CPSF1: variants seen among roughly 807,000 people sequenced by gnomAD.
CPSF1 encodes cleavage and polyadenylation specific factor 1.
A neutral mutation model predicts 175.8 loss-of-function variants in CPSF1; 106 were observed. The ratio of observed to expected loss-of-function variants is 0.60; its 90% confidence interval spans 0.52 to 0.71. The LOEUF (loss-of-function observed/expected upper bound fraction) is 0.71, where lower values mean the gene tolerates loss of function less well. Ranked by LOEUF, CPSF1 falls within the 30% of genes least tolerant of loss-of-function variation. The pLI is 0.00. For missense variants in CPSF1, 1,734 were observed against 2,022.9 expected, an observed-to-expected ratio of 0.86 and a Z score of 2.74; for synonymous variants, 1,024 against 858.3, an observed-to-expected ratio of 1.19 and a Z score of -3.37.
rs1268317298 is a variant in CPSF1, at chr8:144,393,337, C to T, written c.4313G>A (p.Arg1438His). The change falls in exon 38 of 38, where the codon CGC becomes CAC. Residue 1438 changes from arginine to histidine, a missense_variant. This residue lies in a region of CPSF1 where 323 missense variants were observed against 338.5 expected (regional missense o/e 0.95). Transcript: ENST00000616140. Reference sequence around the variant, plus strand: ...ACGGGGCTAGAAGTGGGCGGTGACGCGGTCCGTCTCCAGCAAGTCGTCCAG... The same window carrying T: ...ACGGGGCTAGAAGTGGGCGGTGACGTGGTCCGTCTCCAGCAAGTCGTCCAG... ...IILDDLLETDRVTAHF is the reference protein window; with the variant it reads ...IILDDLLETDHVTAHF The T allele has an allele frequency of 3.3e-6, 5 of 1,492,660 alleles. No homozygotes were observed. In the East Asian group the frequency reaches 1.0e-4, roughly 30 times the overall value. The allele number at this position is 1,492,660 out of a possible 1,614,324, so 92.5% of individuals were successfully genotyped here.
In CPSF1 at chr8:144,396,374, G is replaced by A. The variant is rs374513752; in HGVS notation, c.2953C>T (p.Arg985Cys). Residue 985 changes from arginine to cysteine, a missense_variant, in exon 26 of 38, where the codon CGC becomes TGC. By Grantham distance (180) the Arg-to-Cys change is radical. Coordinates refer to ENST00000616140, the MANE Select transcript of CPSF1 (RefSeq NM_013291.3). The part of the protein sequence containing the change: ...FAPFHNVNCP[R>C]GFLYFNRQGE... ...TGTCTGTTGAAGTACAGGAAGCCGC[G>A]GGGACAGTTGACATTGTGGAATGGA... 9.5e-5 allele frequency: 151 copies of A among 1,587,996 alleles called. No homozygotes were observed. The highest frequency in any genetic ancestry group is 3.0e-4 in the Admixed American group (16 of 54,184).
intron 2 of CPSF1, among the ~76,000 whole-genome samples, chr8:144,404,379 T>C (rs1821380402): frequency 1.3e-5 from 2 of 152,036 alleles, no homozygotes; most frequent in Non-Finnish European, 2.9e-5. Context: ...AATTTTTTTT[T>C]TTTTTGAGAC....
intron 26 of CPSF1, chr8:144,396,030 C>A: frequency 2.3e-6 from 1 of 439,568 alleles, no homozygotes; most frequent in Non-Finnish European, 4.1e-6. Flanking sequence ...CACAGAGCAG[C>A]CAAGGGGCAG....
intron 2 of CPSF1, among the ~76,000 whole-genome samples, chr8:144,402,234 T>C (rs1261061390): frequency 6.6e-6 from 1 of 152,248 alleles, no homozygotes; most frequent in Non-Finnish European, 1.5e-5. Context: ...GGTAGCTAGT[T>C]TAACTAGCTA....
In CPSF1 at chr8:144,400,730, C is replaced by T. The variant is rs2116877691; in HGVS notation, c.627G>A (p.Leu209=). The change falls in exon 7 of 38, where the codon CTG becomes CTA. Residue 209 remains leucine, a synonymous_variant. Transcript: ENST00000616140. ...GGAGGGTAGGCTCGTAGTAGCCATG[C>T]AGGAACTGCAGGTCGATGATGTTGA... ...KLLNIIDLQF[L]HGYYEPTLLI... 10 of 1,613,312 alleles carry T rather than the reference C, an allele frequency of 6.2e-6. No individual in the cohort carries two copies. The Admixed American group carries it at 8.4e-5, about 13-fold the overall frequency.
Position 144,399,140 on chromosome 8 carries a change from G to A in CPSF1, c.1455C>T (p.Phe485=), listed in dbSNP as rs2116859344. ...CAACCCTGGGCACCTCTTCAGAGAG[G>A]AAGGCAGGCTCGCCCACGGCGGCAT... ...CANAAVGEPA[F]LSEEFQNSPE... Residue 485 remains phenylalanine (F), a synonymous_variant, in exon 15 of 38, where the codon TTC becomes TTT. Coordinates refer to ENST00000616140, the MANE Select transcript of CPSF1 (RefSeq NM_013291.3). This position sits in a 1 kb window ranked among gnomAD's most constrained non-coding sequence, Gnocchi z 6.4. 1.5e-4 allele frequency: 234 copies of A among 1,582,942 alleles called. No individual in the cohort carries two copies. In the African/African-American group the frequency reaches 2.6e-3, roughly 17 times the overall value.
chr8:144,409,147 C>G lies in CPSF1; in HGVS notation c.12G>C (p.Val4=). 6.2e-7 allele frequency: 1 copy of G among 1,611,224 alleles called. No homozygotes were observed. Among genetic ancestry groups the G allele is most frequent in the Non-Finnish European group, 8.5e-7 (1 of 1,179,004 alleles). Residue 4 remains valine, a synonymous_variant, in exon 2 of 38, where the codon GTG becomes GTC. Coordinates refer to ENST00000616140, the MANE Select transcript of CPSF1 (RefSeq NM_013291.3). The stretch of plus-strand genomic sequence containing the variant: ...CGGTGGGCGGATGCGCCTGTTTGTA[C>G]ACGGCGTACATGGCGCCAACCCGGG... MYA[V]YKQAHPPTGL...
In CPSF1 at chr8:144,398,444, C is replaced by T; in HGVS notation, c.1753-1G>A. 5 of 1,613,788 alleles carry T rather than the reference C, an allele frequency of 3.1e-6. No homozygotes were observed. The highest frequency in any genetic ancestry group is 4.2e-6 in the Non-Finnish European group (5 of 1,179,974). ...TGATCTCCTGCCCCGTCTGCAGGAT[C>T]TGCGGGCGACAGCTGTGAGGGAGGC... On this transcript the variant is annotated splice_acceptor_variant, in intron 18 of 37. Transcript: ENST00000616140. LOFTEE classifies it high-confidence loss of function.
In CPSF1 at chr8:144,400,134, G is replaced by GCCCCCCCCCCCCCCC. The variant is rs782373475; in HGVS notation, c.937+31_937+32insGGGGGGGGGGGGGGG. On this transcript the variant is annotated intron_variant, in intron 9 of 37. Transcript: ENST00000616140. ...ACTAGGCAGGCCCAAGCCGTCCCCG[G>GCCCCCCCCCCCCCCC]GCCCCCCCCGCCCCAGCCACCCCAC... The GCCCCCCCCCCCCCCC allele has an allele frequency of 7.4e-5, 72 of 966,528 alleles. 1 individual carries two copies. Among genetic ancestry groups the GCCCCCCCCCCCCCCC allele is most frequent in the Middle Eastern group, 3.5e-4 (1 of 2,870 alleles). The allele number at this position is 966,528 out of a possible 1,614,324, so 59.9% of individuals were successfully genotyped here. A position where few individuals can be genotyped will look rare whatever the true frequency, so the allele number is the denominator to read the frequency against.
At chr8:144,407,087 G>C (rs1554869300) in intron 2 of CPSF1, among the ~76,000 whole-genome samples, 1 of 152,018 alleles carries the variant, frequency 6.6e-6, no homozygotes, top group African/African-American at 2.4e-5. Flanking sequence ...GCTAATTTTT[G>C]TATTTTTAGT....
chr8:144,404,559 G>A (rs1464165491), intron 2 of CPSF1, among the ~76,000 whole-genome samples: 3 of 150,050 alleles, frequency 2.0e-5, no homozygotes, highest in Non-Finnish European at 4.4e-5. Flanking sequence ...TAGTAGACTC[G>A]GGGTTTCACC....
rs201669773 is a variant in CPSF1 at position 144,399,515 on chromosome 8, G to C, written c.1243-12C>G. ...GAGGGAGGCTCTTCCTGTGAGGCAG[G>C]AGGGGCACTGAGTGGCATGCCACAG... On this transcript the variant is annotated splice_polypyrimidine_tract_variant and intron_variant, in intron 12 of 37. Coordinates refer to ENST00000616140, the MANE Select transcript of CPSF1 (RefSeq NM_013291.3). This position sits in a 1 kb window ranked among gnomAD's most constrained non-coding sequence, Gnocchi z 6.4. 6.2e-7 allele frequency: 1 copy of C among 1,612,504 alleles called. No homozygotes were observed. The highest frequency in any genetic ancestry group is 1.3e-5 in the African/African-American group (1 of 75,038).
In CPSF1 at chr8:144,396,647, C is replaced by A; in HGVS notation, c.2777G>T (p.Gly926Val). ...GAAGTAGCGGAAACGCGCCACGCGG[C>A]CCCGGGCCCCAGCCCCCTCCTCTGC... ...GGAEEGAGAR[G>V]RVARFRYFED... is the part of the protein sequence containing the mutation. The change falls in exon 25 of 38, where the codon GGC (glycine) becomes GTC (valine). Residue 926 changes from glycine (G) to valine (V), a missense_variant. Physicochemically the swap from Gly to Val is moderately radical, Grantham distance 109. This residue lies in a region of CPSF1 where 585 missense variants were observed against 584.7 expected (regional missense o/e 1.00). Coordinates refer to ENST00000616140, the MANE Select transcript of CPSF1 (RefSeq NM_013291.3). 6.2e-7 allele frequency: 1 copy of A among 1,613,756 alleles called. No individual in the cohort carries two copies. Among genetic ancestry groups the A allele is most frequent in the Non-Finnish European group, 8.5e-7 (1 of 1,180,008 alleles).
rs1820518833 is a variant in CPSF1, at chr8:144,393,894, A to G, written c.4004T>C (p.Ile1335Thr). 3 of 1,611,314 alleles carry G rather than the reference A, an allele frequency of 1.9e-6. No individual in the cohort carries two copies. Among genetic ancestry groups the G allele is most frequent in the East Asian group, 2.2e-5 (1 of 44,794 alleles). Residue 1335 changes from isoleucine to threonine, a missense_variant, in exon 35 of 38, where the codon ATC becomes ACC. Ile to Thr is a moderately conservative substitution (Grantham distance 89, BLOSUM62 -1). Around this residue, in one of 10 missense-constraint regions of CPSF1, gnomAD observed 323 missense variants for 338.5 expected, o/e 0.95. Coordinates refer to ENST00000616140, the MANE Select transcript of CPSF1 (RefSeq NM_013291.3). Reference protein sequence around the residue: ...KKSVVWENKHITWFATLDGGI... With the variant: ...KKSVVWENKHTTWFATLDGGI... ...TCCCCCACACTCACCAAACCACGTG[A>G]TGTGCTTATTCTCCCACACGACCGA...
At chr8:144,397,149 G>T in intron 23 of CPSF1, 58 bp downstream of exon 23, 4 of 1,468,676 alleles carry the variant, frequency 2.7e-6, no homozygotes, top group Non-Finnish European at 2.7e-6. Flanking sequence ...GGGGCTGTGG[G>T]GGAACGGGCA....
chr8:144,403,740 G>C (rs536005106), intron 2 of CPSF1, among the ~76,000 whole-genome samples: 1 of 138,738 alleles, frequency 7.2e-6, no homozygotes, highest in Non-Finnish European at 1.6e-5. Context: ...TTAATAGATA[G>C]GGTTTTGCCA....
rs2116874874 is a variant in CPSF1 at position 144,400,394 on chromosome 8, G to C, written c.786C>G (p.Pro262=). The change falls in exon 8 of 38, where the codon CCC becomes CCG. Residue 262 remains proline, a synonymous_variant. Coordinates refer to ENST00000616140, the MANE Select transcript of CPSF1 (RefSeq NM_013291.3). Reference sequence around the variant, plus strand: ...CAGCCAGAGCCTGGGTGCAGTCAAAGGGCAGGCTGGTGAGGGACCAGATGA... The same window carrying C: ...CAGCCAGAGCCTGGGTGCAGTCAAACGGCAGGCTGGTGAGGGACCAGATGA... The part of the protein sequence containing the change: ...HPVIWSLTSL[P]FDCTQALAVP... 2.5e-6 allele frequency: 4 copies of C among 1,613,760 alleles called. No individual in the cohort carries two copies. In the African/African-American group the frequency reaches 5.3e-5, roughly 22 times the overall value.
rs552880585 is a variant in CPSF1, at chr8:144,396,645, G to A, written c.2779C>T (p.Arg927Cys). The A allele has an allele frequency of 5.2e-5, 84 of 1,613,700 alleles. No homozygotes were observed. The highest frequency in any genetic ancestry group is 4.9e-4 in the Middle Eastern group (3 of 6,062). The change falls in exon 25 of 38, where the codon CGC (arginine) becomes TGC (cysteine). Residue 927 changes from arginine to cysteine, a missense_variant. Coordinates refer to ENST00000616140, the MANE Select transcript of CPSF1 (RefSeq NM_013291.3). ...TCGAAGTAGCGGAAACGCGCCACGCGGCCCCGGGCCCCAGCCCCCTCCTCT... is the reference window on the plus strand; with the variant it reads ...TCGAAGTAGCGGAAACGCGCCACGCAGCCCCGGGCCCCAGCCCCCTCCTCT... ...GAEEGAGARG[R>C]VARFRYFEDI...
At position 144,397,280 on chromosome 8, in the gene CPSF1, T is replaced by G; in HGVS notation, c.2519A>C (p.Gln840Pro). Reference protein sequence around the residue: ...GEARREEATRQGELPLVKEVL... With the variant: ...GEARREEATRPGELPLVKEVL... ...CTCCTTGACGAGGGGCAGCTCCCCC[T>G]GGCGCGTGGCCTCCTCCCTGCGGGC... Residue 840 changes from glutamine (Q) to proline (P), a missense_variant, in exon 23 of 38, where the codon CAG (glutamine) becomes CCG (proline). Coordinates refer to ENST00000616140, the MANE Select transcript of CPSF1 (RefSeq NM_013291.3). The G allele has an allele frequency of 6.5e-7, 1 of 1,549,506 alleles. No homozygotes were observed. Among genetic ancestry groups the G allele is most frequent in the Non-Finnish European group, 8.7e-7 (1 of 1,147,054 alleles).
Sources: allele counts gnomAD v4.1 joint callset (sites outside exome capture counted in the v4.1 genomes callset), GRCh38; gene constraint gnomAD v4.1.1; regional missense constraint gnomAD v4.1.1; non-coding constraint Gnocchi (gnomAD v3.1); transcripts MANE v1.5; gene names NCBI Gene and HGNC (gene_info 2026-07-23, HGNC 2026-07-21).